NRG3: variants seen among roughly 807,000 people sequenced by gnomAD.
NRG3 encodes pro-neuregulin-3, membrane-bound isoform.
In NRG3, 31 loss-of-function variants were observed where a neutral mutation model predicts 66.9. The ratio of observed to expected loss-of-function variants is 0.46; its 90% CI spans 0.35 to 0.63. NRG3 has a LOEUF of 0.63. NRG3 is among the 20% of genes least tolerant of loss of function. The pLI is 0.00. For missense variants in NRG3, 910 were observed against 878.9 expected (o/e 1.04, Z -0.45); for synonymous variants, 393 against 359.4 (o/e 1.09, Z -1.06).
chr10:82,714,664 A>G (rs1054364586), intron 2 of NRG3, among the ~76,000 whole-genome samples: 14 of 152,246 alleles, frequency 9.2e-5, no homozygotes, highest in African/African-American at 3.4e-4. Flanking sequence ...CAAATTCTAA[A>G]TAAGGATTGA....
chr10:82,000,348 T>C (rs1008080997), intron 1 of NRG3, among the ~76,000 whole-genome samples: 1 of 152,160 alleles, frequency 6.6e-6, no homozygotes, highest in African/African-American at 2.4e-5. Context: ...ATCAAGGTCA[T>C]GTATACAGCT....
At chr10:82,939,465 T>A (rs1052138576) in intron 4 of NRG3, among the ~76,000 whole-genome samples, 1 of 149,738 alleles carries the variant, frequency 6.7e-6, no homozygotes, top group Non-Finnish European at 1.5e-5. Context: ...TTGTTATTGG[T>A]TTTTTGTTGT....
intron 2 of NRG3, among the ~76,000 whole-genome samples, chr10:82,393,720 A>G (rs925702231): frequency 2.6e-5 from 4 of 152,188 alleles, no homozygotes; most frequent in African/African-American, 9.7e-5. Context: ...CAGCATATGC[A>G]TGGCAACTAG....
At chr10:82,048,841 A>G (rs535004540) in intron 1 of NRG3, among the ~76,000 whole-genome samples, 1 of 151,648 alleles carries the variant, frequency 6.6e-6, no homozygotes, top group African/African-American at 2.4e-5. Flanking sequence ...AACAAAATTG[A>G]TAGACCGCTA....
chr10:82,549,729 A>G (rs375345208), intron 2 of NRG3, among the ~76,000 whole-genome samples: 21 of 152,102 alleles, frequency 1.4e-4, no homozygotes, highest in Admixed American at 1.2e-3. Context: ...CTACCTTCTC[A>G]TCAATGTTGG....
intron 2 of NRG3, among the ~76,000 whole-genome samples, chr10:82,626,932 T>TC (rs2049465627): frequency 6.6e-6 from 1 of 152,120 alleles, no homozygotes; most frequent in African/African-American, 2.4e-5. Flanking sequence ...TCTGGTACTT[T>TC]CCACACATTT....
intron 2 of NRG3, among the ~76,000 whole-genome samples, chr10:82,433,972 C>T (rs972913425): frequency 1.3e-5 from 2 of 152,142 alleles, no homozygotes; most frequent in Non-Finnish European, 2.9e-5. Context: ...CTAGTTTTTT[C>T]TAATTCTGTG....
chr10:81,989,057 A>C (rs1302765207), intron 1 of NRG3, among the ~76,000 whole-genome samples: 1 of 152,196 alleles, frequency 6.6e-6, no homozygotes, highest in East Asian at 1.9e-4. Context: ...TGTATATTGC[A>C]GAGGTAGAAT....
chr10:82,389,356 C>G (rs2086207085), intron 2 of NRG3, among the ~76,000 whole-genome samples: 1 of 152,152 alleles, frequency 6.6e-6, no homozygotes, highest in South Asian at 2.1e-4. Context: ...GAAGGTCATG[C>G]CTTTCTCAGC....
Position 82,213,897 on chromosome 10 carries a change from G to A in NRG3, c.824-144842G>A, listed in dbSNP as rs575382529. Among the ~76,000 whole-genome samples, 13 of 152,112 alleles carry A rather than the reference G, an allele frequency of 8.5e-5. No individual in the cohort carries two copies. The South Asian group carries it at 1.7e-3, about 19-fold the overall frequency. On this transcript the variant is annotated intron_variant, in intron 1 of 8. Transcript: ENST00000372141. ...AAGTAGCACCAGAGTCGGCTTATTC[G>A]ACTGCTCAAACCCATTGGTAAGAAC...
intron 2 of NRG3, among the ~76,000 whole-genome samples, chr10:82,665,769 AAC>A: frequency 1.3e-5 from 2 of 152,158 alleles, no homozygotes; most frequent in East Asian, 3.9e-4. Flanking sequence ...ATGAAATCTC[AAC>A]AATATTTTAC....
chr10:82,797,773 C>A (rs1026199934), intron 3 of NRG3, among the ~76,000 whole-genome samples: 1 of 152,068 alleles, frequency 6.6e-6, no homozygotes, highest in Non-Finnish European at 1.5e-5. Flanking sequence ...ATTGGTAGAT[C>A]GGAGTTGTCT....
intron 1 of NRG3, among the ~76,000 whole-genome samples, chr10:81,904,861 T>C (rs1844434206): frequency 6.6e-6 from 1 of 152,162 alleles, no homozygotes; most frequent in African/African-American, 2.4e-5. Context: ...CAGGATATCA[T>C]GGTACCTGCC....
chr10:82,678,558 ATAGCT>A (rs1338718957), intron 2 of NRG3, among the ~76,000 whole-genome samples: 1 of 152,196 alleles, frequency 6.6e-6, no homozygotes, highest in Non-Finnish European at 1.5e-5. Context: ...AGGGGATATG[ATAGCT>A]TAGCTTGGGC....
At chr10:82,548,542 C>T (rs918947537) in intron 2 of NRG3, among the ~76,000 whole-genome samples, 3 of 151,534 alleles carry the variant, frequency 2.0e-5, no homozygotes, top group Non-Finnish European at 2.9e-5. Flanking sequence ...CACACACACA[C>T]ACACACACAC....
intron 1 of NRG3, among the ~76,000 whole-genome samples, chr10:82,255,429 A>G (rs1054777157): frequency 6.6e-6 from 1 of 152,206 alleles, no homozygotes; most frequent in Non-Finnish European, 1.5e-5. Flanking sequence ...ATAACTTCCT[A>G]TCAATATTCT....
At chr10:82,201,969 G>A (rs1369783699) in intron 1 of NRG3, among the ~76,000 whole-genome samples, 1 of 152,056 alleles carries the variant, frequency 6.6e-6, no homozygotes, top group Non-Finnish European at 1.5e-5. Flanking sequence ...GAAGACAATT[G>A]ATATACACCC....
chr10:81,930,303 C>T (rs910200517), intron 1 of NRG3, among the ~76,000 whole-genome samples: 7 of 152,150 alleles, frequency 4.6e-5, no homozygotes, highest in Non-Finnish European at 1.0e-4. Flanking sequence ...GGCTGCAAAT[C>T]CCTGAGCTTC....
At chr10:82,910,995 A>G (rs1264851672) in intron 4 of NRG3, among the ~76,000 whole-genome samples, 2 of 152,330 alleles carry the variant, frequency 1.3e-5, no homozygotes, top group African/African-American at 2.4e-5. Flanking sequence ...TGACTTTAAA[A>G]TATTGATTAA....
Sources: gnomAD v4.1 joint callset for allele counts (sites outside exome capture counted in the v4.1 genomes callset) on GRCh38, gnomAD v4.1.1 for gene constraint, MANE v1.5 for transcripts, NCBI Gene and HGNC (gene_info 2026-07-23, HGNC 2026-07-21) for gene names.